The following ZNF846 variants were observed in gnomAD, a reference collection of about 807,000 sequenced individuals.
ZNF846 encodes zinc finger protein 846, also known as zinc finger protein 420 pseudogene.
A neutral mutation model predicts 16.0 loss-of-function variants in ZNF846; 15 were observed. The ratio of observed to expected loss-of-function variants is 0.94; its 90% CI spans 0.63 to 1.45. The LOEUF (loss-of-function observed/expected upper bound fraction) is 1.45, where lower values mean the gene tolerates loss of function less well. ZNF846 is among the 40% of genes most tolerant of loss of function. The pLI, the probability that ZNF846 is intolerant of heterozygous loss-of-function variation, is 0.00. For missense variants in ZNF846, 714 were observed against 622.3 expected (o/e 1.15, Z -1.57); for synonymous variants, 229 against 212.0 (o/e 1.08, Z -0.70).
At chr19:9,781,996 C>T (rs1191194217) in intron 1 of ZNF846, among the ~76,000 whole-genome samples, 2 of 152,004 alleles carry the variant, frequency 1.3e-5, no homozygotes, top group African/African-American at 2.4e-5. Context: ...AAGCTGGTCT[C>T]GAACTCCTGA....
At chr19:9,772,868 G>A (rs1395587224), upstream of ZNF846, among the ~76,000 whole-genome samples, 5 of 152,044 alleles carry the variant, frequency 3.3e-5, no homozygotes, top group African/African-American at 1.2e-4. Flanking sequence ...CCAAGCTCAT[G>A]AGTTCCAGAC....
chr19:9,765,338 G>A (rs1356299762), intron 1 of ZNF846, among the ~76,000 whole-genome samples: 2 of 151,784 alleles, frequency 1.3e-5, no homozygotes, highest in Non-Finnish European at 2.9e-5. Flanking sequence ...CCATGCCACT[G>A]CACTCCAGCC....
upstream of ZNF846, among the ~76,000 whole-genome samples, chr19:9,769,131 C>G (rs1434153907): frequency 2.6e-5 from 4 of 152,186 alleles, no homozygotes; most frequent in Non-Finnish European, 5.9e-5. Flanking sequence ...GTCGCCTAGG[C>G]TGGAGTGCAG....
At chr19:9,763,078 G>C (rs530620657) in intron 3 of ZNF846, among the ~76,000 whole-genome samples, 6 of 152,052 alleles carry the variant, frequency 3.9e-5, no homozygotes, top group Admixed American at 2.6e-4. Flanking sequence ...CAGGAGGGGG[G>C]GCTTTGCAGT....
chr19:9,752,807 G>A (rs10415132), downstream of ZNF846, among the ~76,000 whole-genome samples: 55,023 of 151,824 alleles, frequency 0.36, 14,193 homozygotes, highest in African/African-American at 0.73. Context: ...CCTTGGCTTA[G>A]TCTTTGAGAT....
chr19:9,758,876 A>C, intron 5 of ZNF846, 112 bp from the exon 6 acceptor site: 1 of 915,882 alleles, frequency 1.1e-6, no homozygotes, highest in Non-Finnish European at 1.6e-6. Context: ...ATTTTAACAT[A>C]TCCATTATAT....
At chr19:9,774,830 G>A in intron 1 of ZNF846, 2 of 1,608,302 alleles carry the variant, frequency 1.2e-6, no homozygotes, top group East Asian at 2.2e-5. Context: ...CATAGCACTG[G>A]TGAATGACCC....
At chr19:9,757,139 G>A (rs2145188209), downstream of ZNF846, among the ~76,000 whole-genome samples, 1 of 151,410 alleles carries the variant, frequency 6.6e-6, no homozygotes, top group South Asian at 2.1e-4. Flanking sequence ...AGGTTGCAGT[G>A]GGCCAAGGTC....
intron 1 of ZNF846, 141 bp from the exon 2 acceptor site, chr19:9,765,176 C>A: frequency 1.9e-6 from 1 of 534,654 alleles, no homozygotes; most frequent in South Asian, 2.0e-5. Context: ...AGTTTGAGAC[C>A]AGCCTGGCCA....
upstream of ZNF846, among the ~76,000 whole-genome samples, chr19:9,773,387 G>T (rs778028871): frequency 3.9e-5 from 6 of 152,132 alleles, no homozygotes; most frequent in Non-Finnish European, 8.8e-5. Context: ...ACTTTCTTAA[G>T]ATGATTGCCT....
chr19:9,774,828 T>C, intron 1 of ZNF846: 2 of 1,608,212 alleles, frequency 1.2e-6, no homozygotes, highest in Non-Finnish European at 1.7e-6. Flanking sequence ...CTCATAGCAC[T>C]GGTGAATGAC....
chr19:9,752,489 C>T (rs564039432), downstream of ZNF846: 4 of 368,448 alleles, frequency 1.1e-5, no homozygotes, highest in East Asian at 2.7e-4. Context: ...GTGGTGCATG[C>T]CTGTGATCCC....
At chr19:9,758,948 C>A (rs780793802) in intron 5 of ZNF846, among the ~76,000 whole-genome samples, 184 bp from the exon 6 acceptor site, 5 of 151,822 alleles carry the variant, frequency 3.3e-5, no homozygotes, top group African/African-American at 7.3e-5. Context: ...GGCCACCAGC[C>A]TGCCTATATT....
rs191186034 is a variant in ZNF846, at chr19:9,758,273, T to C, written c.804A>G (p.Gly268=). ...TGTGAGTTCTGATGTGTAATTTAAG[T>C]CCTGTGGATTGAGTGAAAGCTTTAC... The change falls in exon 6 of 6, where the codon GGA becomes GGG. Residue 268 remains glycine, a synonymous_variant. Coordinates refer to ENST00000397902, the Ensembl canonical transcript of ZNF846. 1.7e-5 allele frequency: 28 copies of C among 1,613,342 alleles called. 3 individuals carry two copies. In the African/African-American group the frequency reaches 3.6e-4, roughly 21 times the overall value.
At chr19:9,749,918 G>A (rs1042431643), downstream of ZNF846, among the ~76,000 whole-genome samples, 3 of 151,906 alleles carry the variant, frequency 2.0e-5, no homozygotes, top group Admixed American at 1.3e-4. Context: ...ATCTACTTAC[G>A]GCACCTTTCT....
chr19:9,754,944 C>T (rs2045119441), downstream of ZNF846, among the ~76,000 whole-genome samples: 2 of 151,228 alleles, frequency 1.3e-5, no homozygotes, highest in East Asian at 3.9e-4. Flanking sequence ...CGAGTCACTG[C>T]AACCTCCACC....
At chr19:9,762,211 T>A (rs1043318242) in intron 3 of ZNF846, 43 bp from the exon 4 acceptor site, 1 of 1,471,878 alleles carries the variant, frequency 6.8e-7, no homozygotes, top group African/African-American at 1.4e-5. Flanking sequence ...ATGCAAGACA[T>A]AACACCATGT....
downstream of ZNF846, among the ~76,000 whole-genome samples, chr19:9,749,468 AC>A (rs1333585361): frequency 1.3e-5 from 2 of 150,830 alleles, no homozygotes; most frequent in Non-Finnish European, 2.9e-5. Context: ...TCAAATAGCC[AC>A]CCTTAACTCT....
chr19:9,769,017 G>C (rs1034783013), upstream of ZNF846, among the ~76,000 whole-genome samples: 2 of 152,240 alleles, frequency 1.3e-5, no homozygotes, highest in African/African-American at 4.8e-5. Context: ...CACGCGTGGA[G>C]GCGTCACCTA....
Sources: allele counts gnomAD v4.1 joint callset (sites outside exome capture counted in the v4.1 genomes callset), GRCh38; gene constraint gnomAD v4.1.1; transcripts MANE v1.5; gene names NCBI Gene and HGNC (gene_info 2026-07-23, HGNC 2026-07-21).